RSRC1: variants seen among roughly 807,000 people sequenced by gnomAD.
RSRC1 encodes arginine and serine rich coiled-coil 1, also known as serine/Arginine-related protein 53.
In RSRC1, 39 loss-of-function variants were observed where a neutral mutation model predicts 49.1. The ratio of observed to expected loss-of-function variants is 0.79; its 90% CI spans 0.61 to 1.04. RSRC1 has a LOEUF of 1.04. Among genes scored for constraint, RSRC1 ranks in the 50% least tolerant of loss-of-function variants. RSRC1 has a pLI of 0.00. For missense variants in RSRC1, 388 were observed against 402.4 expected (o/e 0.96, Z 0.31); for synonymous variants, 143 against 130.8 (o/e 1.09, Z -0.63).
intron 6 of RSRC1, among the ~76,000 whole-genome samples, chr3:158,398,493 C>T (rs778266559): frequency 2.8e-4 from 42 of 152,136 alleles, no homozygotes; most frequent in Admixed American, 6.6e-4. Flanking sequence ...TTATGAGGCA[C>T]GAATCTGATC....
chr3:158,278,747 C>A (rs1559973489), intron 4 of RSRC1, among the ~76,000 whole-genome samples: 1 of 152,162 alleles, frequency 6.6e-6, no homozygotes, highest in Non-Finnish European at 1.5e-5. Context: ...ATTAAGTCAT[C>A]TTTGGTAAAT....
intron 6 of RSRC1, among the ~76,000 whole-genome samples, chr3:158,376,261 G>A (rs1385445226): frequency 7.2e-6 from 1 of 138,696 alleles, no homozygotes; most frequent in East Asian, 2.3e-4. Flanking sequence ...GTGCAATATT[G>A]GCTCACTGCA....
chr3:158,333,453 T>G (rs183960268), intron 5 of RSRC1, among the ~76,000 whole-genome samples: 112 of 152,292 alleles, frequency 7.4e-4, no homozygotes, highest in African/African-American at 2.6e-3. Flanking sequence ...ATAAAATTAT[T>G]TTTTGTAACA....
At chr3:158,504,204 G>A (rs897602504) in intron 7 of RSRC1, among the ~76,000 whole-genome samples, 6 of 152,196 alleles carry the variant, frequency 3.9e-5, no homozygotes, top group Non-Finnish European at 8.8e-5. Context: ...TTCCACAGTT[G>A]GGGCACTCAC....
chr3:158,405,803 T>G (rs1734134250), intron 6 of RSRC1, among the ~76,000 whole-genome samples: 1 of 152,118 alleles, frequency 6.6e-6, no homozygotes, highest in Admixed American at 6.6e-5. Context: ...GCTGTTAGCA[T>G]TTGCTAGATC....
intron 4 of RSRC1, among the ~76,000 whole-genome samples, chr3:158,207,446 T>C (rs1445512506): frequency 6.6e-6 from 1 of 152,138 alleles, no homozygotes; most frequent in Non-Finnish European, 1.5e-5. Context: ...TCATTAGCTG[T>C]CTTTTTTCCA....
chr3:158,385,197 C>T (rs573254653), intron 6 of RSRC1, among the ~76,000 whole-genome samples: 3 of 152,180 alleles, frequency 2.0e-5, no homozygotes, highest in South Asian at 4.1e-4. Context: ...TTGTGCCAGG[C>T]CCTATGCTAG....
chr3:158,376,233 C>A (rs1182390688), intron 6 of RSRC1, among the ~76,000 whole-genome samples: 2 of 143,988 alleles, frequency 1.4e-5, no homozygotes, highest in African/African-American at 5.1e-5. Context: ...ACTCTGTCAC[C>A]CAGGCTGGAG....
At chr3:158,345,556 A>G (rs1055522467) in intron 5 of RSRC1, among the ~76,000 whole-genome samples, 1 of 152,064 alleles carries the variant, frequency 6.6e-6, no homozygotes, top group Non-Finnish European at 1.5e-5. Flanking sequence ...AAAAGAAGAA[A>G]AAAGGACAAC....
chr3:158,238,436 T>A (rs1723364882), intron 4 of RSRC1, among the ~76,000 whole-genome samples: 1 of 152,162 alleles, frequency 6.6e-6, no homozygotes, highest in African/African-American at 2.4e-5. Flanking sequence ...AGAACAAAGC[T>A]GGAGGCATCA....
At chr3:158,269,575 C>G (rs929703649) in intron 4 of RSRC1, among the ~76,000 whole-genome samples, 3 of 151,932 alleles carry the variant, frequency 2.0e-5, no homozygotes, top group African/African-American at 7.3e-5. Flanking sequence ...TGCAGTGGCA[C>G]AATCTCGGCT....
In RSRC1 at chr3:158,396,673, G is replaced by C. The variant is rs78469269; in HGVS notation, c.583+41765G>C. ...ATGGCAAACTGTAGTGCCGTGGTAT[G>C]AGTAGGATAGTAAAATTGAGTTTAG... On this transcript the variant is annotated intron_variant, in intron 6 of 9. Transcript: ENST00000611884. Among the ~76,000 whole-genome samples the C allele has an allele frequency of 1.8e-4, 28 of 152,178 alleles. No individual in the cohort carries two copies. In the East Asian group the frequency reaches 3.1e-3, roughly 17 times the overall value.
chr3:158,304,020 G>T (rs1233402164), intron 5 of RSRC1, among the ~76,000 whole-genome samples: 2 of 152,116 alleles, frequency 1.3e-5, no homozygotes, highest in African/African-American at 4.8e-5. Flanking sequence ...AATAGCAAAA[G>T]AACTCTGGAG....
At chr3:158,316,715 A>AT (rs1728485592) in intron 5 of RSRC1, among the ~76,000 whole-genome samples, 1 of 152,084 alleles carries the variant, frequency 6.6e-6, no homozygotes, top group East Asian at 1.9e-4. Flanking sequence ...AAGTGCTGGG[A>AT]TTACAGGCGT....
At chr3:158,511,983 A>G (rs1221108800) in intron 7 of RSRC1, among the ~76,000 whole-genome samples, 1 of 149,346 alleles carries the variant, frequency 6.7e-6, no homozygotes, top group South Asian at 2.2e-4. Flanking sequence ...TTTTTCTTGT[A>G]AATTTGTTGG....
At chr3:158,309,119 A>T (rs1727995724) in intron 5 of RSRC1, among the ~76,000 whole-genome samples, 1 of 151,956 alleles carries the variant, frequency 6.6e-6, no homozygotes, top group African/African-American at 2.4e-5. Flanking sequence ...TTGAGAAATG[A>T]TGCACTGCTC....
chr3:158,457,208 C>T (rs1043907097), intron 6 of RSRC1, among the ~76,000 whole-genome samples: 3 of 151,918 alleles, frequency 2.0e-5, no homozygotes, highest in African/African-American at 7.3e-5. Flanking sequence ...GAAATGAGGT[C>T]CCGAATGTGA....
intron 5 of RSRC1, among the ~76,000 whole-genome samples, chr3:158,325,629 T>C (rs1294076291): frequency 6.6e-6 from 1 of 152,238 alleles, no homozygotes; most frequent in Non-Finnish European, 1.5e-5. Flanking sequence ...TTGGTTACTG[T>C]AGCCTTGTAG....
At chr3:158,236,502 G>A (rs1455062520) in intron 4 of RSRC1, among the ~76,000 whole-genome samples, 1 of 152,184 alleles carries the variant, frequency 6.6e-6, no homozygotes, top group African/African-American at 2.4e-5. Flanking sequence ...AGCAACAACT[G>A]CTCTGATTTC....
Sources: allele counts gnomAD v4.1 joint callset (sites outside exome capture counted in the v4.1 genomes callset), GRCh38; gene constraint gnomAD v4.1.1; transcripts MANE v1.5; gene names NCBI Gene and HGNC (gene_info 2026-07-23, HGNC 2026-07-21).